The following LOC128462377 variants were observed in gnomAD, a reference collection of about 807,000 sequenced individuals.
At chr16:89,324,558 G>A in the LOC128462377 span, 8 of 455,436 alleles carry the variant, frequency 1.8e-5, no homozygotes, top group African/African-American at 6.0e-5. Context: ...GGGAGAGGCC[G>A]ACGAACCCTC....
chr16:89,347,489 T>G, the LOC128462377 span, among the ~76,000 whole-genome samples: 1 of 151,780 alleles, frequency 6.6e-6, no homozygotes, highest in Non-Finnish European at 1.5e-5. Context: ...CAGGCGCCGG[T>G]AGTCCCAGCT....
chr16:89,381,611 C>T, the LOC128462377 span, among the ~76,000 whole-genome samples: 1 of 152,154 alleles, frequency 6.6e-6, no homozygotes, highest in East Asian at 1.9e-4. Context: ...AAGAGGAGAA[C>T]GATGAAAGCT....
the LOC128462377 span, among the ~76,000 whole-genome samples, chr16:89,353,068 G>A: frequency 6.6e-6 from 1 of 152,160 alleles, no homozygotes; most frequent in Admixed American, 6.5e-5. Context: ...GGCTGGGCGC[G>A]GTGGCTCACG....
chr16:89,380,117 G>T, the LOC128462377 span, among the ~76,000 whole-genome samples: 82,623 of 151,836 alleles, frequency 0.54, 22,724 homozygotes, highest in Middle Eastern at 0.75. Context: ...AATGATGCCT[G>T]TTTTTTTCTT....
chr16:89,317,207 G>A, the LOC128462377 span: 24 of 726,982 alleles, frequency 3.3e-5, no homozygotes, highest in Middle Eastern at 2.3e-4. Flanking sequence ...GCTGGGGCCC[G>A]GGCCAGGCCC....
chr16:89,394,092 T>A, the LOC128462377 span, among the ~76,000 whole-genome samples: 1 of 152,082 alleles, frequency 6.6e-6, no homozygotes, highest in Admixed American at 6.6e-5. Flanking sequence ...TCCTGGAGAC[T>A]CCACCCATCA....
the LOC128462377 span, among the ~76,000 whole-genome samples, chr16:89,333,235 T>C: frequency 6.6e-6 from 1 of 152,126 alleles, no homozygotes. Context: ...AAATAAAACA[T>C]ATTTTATTTT....
At chr16:89,343,668 T>C in the LOC128462377 span, 1 of 152,240 alleles carries the variant, frequency 6.6e-6, no homozygotes, top group Non-Finnish European at 1.5e-5. Context: ...GTCACATCCA[T>C]AAACCACCAA....
chr16:89,352,563 A>C, the LOC128462377 span, among the ~76,000 whole-genome samples: 61 of 152,232 alleles, frequency 4.0e-4, no homozygotes, highest in South Asian at 0.013. Flanking sequence ...GGCCCCTGTC[A>C]GGGCCACTTC....
At chr16:89,402,641 G>C in the LOC128462377 span, among the ~76,000 whole-genome samples, 1 of 150,650 alleles carries the variant, frequency 6.6e-6, no homozygotes, top group Non-Finnish European at 1.5e-5. Context: ...GTGGGTGGGG[G>C]GGGCAGCACT....
At chr16:89,406,780 A>C in the LOC128462377 span, among the ~76,000 whole-genome samples, 1 of 152,240 alleles carries the variant, frequency 6.6e-6, no homozygotes, top group Non-Finnish European at 1.5e-5. Flanking sequence ...GCACAGGACA[A>C]AGCCTTGTGT....
At chr16:89,334,144 TAA>T in the LOC128462377 span, among the ~76,000 whole-genome samples, 405 of 41,420 alleles carry the variant, frequency 9.8e-3, 8 homozygotes, top group African/African-American at 0.036. Context: ...CCCTGTGTTT[TAA>T]AAAAAAAAAA....
At chr16:89,392,932 T>C in the LOC128462377 span, among the ~76,000 whole-genome samples, 2 of 152,100 alleles carry the variant, frequency 1.3e-5, no homozygotes, top group African/African-American at 4.8e-5. Flanking sequence ...GCATCTGAAA[T>C]GAGTGAGTGA....
the LOC128462377 span, among the ~76,000 whole-genome samples, chr16:89,385,992 C>T: frequency 6.6e-6 from 1 of 152,208 alleles, no homozygotes; most frequent in African/African-American, 2.4e-5. Flanking sequence ...GCCGGCCTCC[C>T]GCTCAGCCTC....
the LOC128462377 span, among the ~76,000 whole-genome samples, chr16:89,354,682 G>A: frequency 3.3e-5 from 5 of 152,192 alleles, no homozygotes; most frequent in African/African-American, 7.2e-5. Context: ...AGGAGTTCAA[G>A]ACCAGCCTGG....
the LOC128462377 span, among the ~76,000 whole-genome samples, chr16:89,391,615 T>TGG: frequency 1.3e-5 from 2 of 152,150 alleles, no homozygotes; most frequent in African/African-American, 2.4e-5. Context: ...TAGAAATACA[T>TGG]GAAGTCAAGC....
At chr16:89,377,847 C>T in the LOC128462377 span, among the ~76,000 whole-genome samples, 199 of 152,220 alleles carry the variant, frequency 1.3e-3, no homozygotes, top group African/African-American at 4.7e-3. Context: ...CCTGCCTCCC[C>T]TTCTACCTCT....
chr16:89,342,162 C>T, the LOC128462377 span, among the ~76,000 whole-genome samples: 4 of 152,248 alleles, frequency 2.6e-5, no homozygotes, highest in African/African-American at 9.6e-5. Context: ...ATCTTGGCGT[C>T]TGGGCCTCAA....
chr16:89,392,376 T>A, the LOC128462377 span: 1 of 152,338 alleles, frequency 6.6e-6, no homozygotes, highest in Non-Finnish European at 1.5e-5. Context: ...CTAAAATTCA[T>A]TACCTGTATA....
Sources: allele counts gnomAD v4.1 joint callset (sites outside exome capture counted in the v4.1 genomes callset), GRCh38; gene constraint gnomAD v4.1.1; transcripts MANE v1.5.